DCBLD1: variants seen among roughly 807,000 people sequenced by gnomAD.
The protein encoded by DCBLD1 is discoidin, CUB and LCCL domain-containing protein 1.
Under a neutral mutation model 71.5 loss-of-function variants are expected in DCBLD1, and 57 were observed. The ratio of observed to expected loss-of-function variants is 0.80; its 90% CI spans 0.64 to 0.99. The LOEUF (loss-of-function observed/expected upper bound fraction) is 0.99. Ranked by LOEUF, DCBLD1 falls within the 50% of genes least tolerant of loss-of-function variation. DCBLD1 has a pLI of 0.00. For missense variants in DCBLD1, 891 were observed against 923.5 expected, an observed-to-expected ratio of 0.96 and a Z score of 0.46; for synonymous variants, 380 against 363.8, an observed-to-expected ratio of 1.04 and a Z score of -0.51.
chr6:117,514,089 CAT>C (rs1462592133), intron 2 of DCBLD1, among the ~76,000 whole-genome samples: 2 of 152,152 alleles, frequency 1.3e-5, no homozygotes, highest in African/African-American at 4.8e-5. Context: ...TCAATGCTAT[CAT>C]ATTTTTCCAT....
chr6:117,495,613 T>A (rs1280861620), intron 1 of DCBLD1, among the ~76,000 whole-genome samples: 1 of 152,234 alleles, frequency 6.6e-6, no homozygotes, highest in African/African-American at 2.4e-5. Context: ...GTAACCATTA[T>A]GCTCTGTCAC....
intron 6 of DCBLD1, among the ~76,000 whole-genome samples, chr6:117,533,851 G>C (rs1287078316): frequency 6.6e-6 from 1 of 152,104 alleles, no homozygotes; most frequent in African/African-American, 2.4e-5. Flanking sequence ...TGTCTGTGGA[G>C]AAAAGGCAGA....
chr6:117,537,341 T>C (rs985788995), intron 7 of DCBLD1, 116 bp downstream of exon 7: 7 of 905,196 alleles, frequency 7.7e-6, no homozygotes, highest in African/African-American at 1.7e-5. Flanking sequence ...GAGACCATCC[T>C]GGCTAACACA....
At position 117,548,132 on chromosome 6, in the gene DCBLD1, C is replaced by A. The variant is rs1218733516; in HGVS notation, c.1841C>A (p.Thr614Lys). The change falls in exon 15 of 15, where the codon ACG becomes AAG. Residue 614 changes from threonine (T) to lysine (K), a missense_variant. Physicochemically the swap from Thr to Lys is moderately conservative, Grantham distance 78. Coordinates refer to ENST00000338728, the MANE Select transcript of DCBLD1 (RefSeq NM_001366458.2). ...GAGCGGCACGTGCTGCGCGCCCACA[C>A]GTTCTCTGCGCAGAGCGGCTACCGC... ...IVERHVLRAH[T>K]FSAQSGYRVP... 4 of 1,549,980 alleles carry A rather than the reference C, an allele frequency of 2.6e-6. No individual in the cohort carries two copies. The highest frequency in any genetic ancestry group is 1.2e-5 in the South Asian group (1 of 84,016).
At chr6:117,563,460 A>T in intron 14 of DCBLD1, 3 of 1,418,674 alleles carry the variant, frequency 2.1e-6, no homozygotes, top group Non-Finnish European at 2.9e-6. Flanking sequence ...AGTGGCTCAT[A>T]CCTGTAATCC....
intron 3 of DCBLD1, among the ~76,000 whole-genome samples, 180 bp downstream of exon 3, chr6:117,520,130 G>A (rs138484704): frequency 6.6e-6 from 1 of 152,158 alleles, no homozygotes; most frequent in East Asian, 1.9e-4. Context: ...TTGCAGCACA[G>A]GTGTGTCCAA....
At chr6:117,563,485 G>T in intron 14 of DCBLD1, 2 of 1,093,072 alleles carry the variant, frequency 1.8e-6, no homozygotes, top group Non-Finnish European at 2.7e-6. Context: ...ACTTTGAGAG[G>T]CCAAGGTGGG....
intron 2 of DCBLD1, among the ~76,000 whole-genome samples, chr6:117,510,543 A>G (rs917806185): frequency 1.3e-5 from 2 of 152,190 alleles, no homozygotes; most frequent in Admixed American, 6.5e-5. Context: ...TCTCTGTCAG[A>G]TACGGGATGC....
intron 1 of DCBLD1, among the ~76,000 whole-genome samples, chr6:117,487,902 TA>T (rs1430834479): frequency 4.0e-5 from 6 of 151,878 alleles, no homozygotes; most frequent in South Asian, 2.1e-4. Context: ...CTTTGTATGT[TA>T]AAAAAAATAG....
chr6:117,503,193 C>A (rs1221089654), intron 1 of DCBLD1, among the ~76,000 whole-genome samples: 2 of 152,100 alleles, frequency 1.3e-5, no homozygotes, highest in Non-Finnish European at 2.9e-5. Flanking sequence ...ATTGTACATC[C>A]CAAGTCTATG....
intron 14 of DCBLD1, chr6:117,567,114 G>T: frequency 9.9e-7 from 1 of 1,011,982 alleles, no homozygotes; most frequent in Non-Finnish European, 1.4e-6. Context: ...TTTGTGGGAA[G>T]GCTTAGGGGT....
intron 2 of DCBLD1, among the ~76,000 whole-genome samples, chr6:117,516,202 A>G (rs1013827568): frequency 2.0e-5 from 3 of 151,428 alleles, no homozygotes; most frequent in African/African-American, 7.3e-5. Flanking sequence ...AAAAAAAAAA[A>G]TACAAAAAAT....
chr6:117,499,287 G>A (rs1056588429), intron 1 of DCBLD1, among the ~76,000 whole-genome samples: 8 of 148,572 alleles, frequency 5.4e-5, no homozygotes, highest in Non-Finnish European at 1.2e-4. Flanking sequence ...TGTGCCTGTA[G>A]TTCCAGCTAC....
chr6:117,519,723 T>C, intron 2 of DCBLD1, 93 bp from the exon 3 acceptor site: 1 of 1,506,550 alleles, frequency 6.6e-7, no homozygotes, highest in Non-Finnish European at 9.0e-7. Context: ...TATTGTCTAG[T>C]AAATTTGGCC....
At position 117,485,549 on chromosome 6, in the gene DCBLD1, C is replaced by T. The variant is rs117456524; in HGVS notation, c.112+2656C>T. Among the ~76,000 whole-genome samples the T allele has an allele frequency of 3.9e-5, 6 of 152,300 alleles. No homozygotes were observed. The East Asian group carries it at 1.2e-3, about 29-fold the overall frequency. On this transcript the variant is annotated intron_variant, in intron 1 of 14. Coordinates refer to ENST00000338728, the MANE Select transcript of DCBLD1 (RefSeq NM_001366458.2). Reference sequence around the variant, plus strand: ...GTCACCTTCTGTACCAGTGTGTGCACTCACCCTTCTGTTGTCTCATCTGGA... The same window carrying T: ...GTCACCTTCTGTACCAGTGTGTGCATTCACCCTTCTGTTGTCTCATCTGGA...
intron 9 of DCBLD1, 39 bp from the exon 10 acceptor site, chr6:117,540,629 C>G (rs1460981471): frequency 1.9e-6 from 3 of 1,612,172 alleles, no homozygotes; most frequent in Admixed American, 1.7e-5. Flanking sequence ...TAAAAACTCA[C>G]TAATAGAATC....
chr6:117,502,218 A>T (rs963915286), intron 1 of DCBLD1, among the ~76,000 whole-genome samples: 2 of 152,158 alleles, frequency 1.3e-5, no homozygotes, highest in Admixed American at 6.5e-5. Flanking sequence ...CCTACCATGT[A>T]AATTTCACTA....
chr6:117,530,197 G>A (rs1021468159), intron 5 of DCBLD1, among the ~76,000 whole-genome samples: 4 of 152,186 alleles, frequency 2.6e-5, no homozygotes, highest in African/African-American at 9.7e-5. Context: ...GTACCCTTTA[G>A]AATCACAAGG....
chr6:117,491,084 T>G (rs1777277190), intron 1 of DCBLD1, among the ~76,000 whole-genome samples: 1 of 152,228 alleles, frequency 6.6e-6, no homozygotes. Context: ...ATCTATGTGT[T>G]TGTTGCCTAA....
Sources: allele counts gnomAD v4.1 joint callset (sites outside exome capture counted in the v4.1 genomes callset), GRCh38; gene constraint gnomAD v4.1.1; transcripts MANE v1.5; gene names NCBI Gene and HGNC (gene_info 2026-07-23, HGNC 2026-07-21).